Variants in MYH10 observed in about 807,000 individuals in gnomAD.
The protein encoded by MYH10 is myosin-10.
In MYH10, 55 loss-of-function variants were observed where a neutral mutation model predicts 257.8. The ratio of observed to expected loss-of-function variants is 0.21; its 90% CI spans 0.17 to 0.27. MYH10 has a LOEUF of 0.27. Ranked by LOEUF, MYH10 falls within the 10% of genes least tolerant of loss-of-function variation. The probability of loss-of-function intolerance (pLI) is 1.00; values close to 1 mark genes in which losing one functional copy is unlikely to be tolerated. For missense variants in MYH10, 1,631 were observed against 2,500.6 expected (o/e 0.65, Z 7.42); for synonymous variants, 854 against 921.7 (o/e 0.93, Z 1.33).
At chr17:8,584,310 A>C (rs895380671) in intron 4 of MYH10, among the ~76,000 whole-genome samples, 4 of 152,224 alleles carry the variant, frequency 2.6e-5, no homozygotes, top group African/African-American at 9.6e-5. Flanking sequence ...TACAGAATAA[A>C]TGACTGAAAA....
Position 8,513,778 on chromosome 17 carries a change from A to C in MYH10, c.2613+8T>G, listed in dbSNP as rs201673587. ...AAAGGGATCTGGAAAGAAGTGAGCC[A>C]AGCTCACCTTTGTGAAGACTCGCCA... On this transcript the variant is annotated splice_region_variant and intron_variant, in intron 22 of 42. Transcript: ENST00000360416. 2,701 of 1,613,958 alleles carry C rather than the reference A, an allele frequency of 1.7e-3. 5 individuals are homozygous for C. The highest frequency in any genetic ancestry group is 1.9e-3 in the Non-Finnish European group (2,220 of 1,179,906).
chr17:8,602,984 C>A (rs2152073352), intron 3 of MYH10, among the ~76,000 whole-genome samples: 1 of 152,336 alleles, frequency 6.6e-6, no homozygotes, highest in South Asian at 2.1e-4. Flanking sequence ...TGCCTCATAT[C>A]TTCCTCATTC....
At chr17:8,546,725 C>A in intron 11 of MYH10, 63 bp from the exon 12 acceptor site, 2 of 1,183,222 alleles carry the variant, frequency 1.7e-6, no homozygotes, top group Non-Finnish European at 2.5e-6. Context: ...ACAATATATT[C>A]AATAAACACT....
chr17:8,504,639 G>T lies in MYH10; in HGVS notation c.3599+55C>A. 1.3e-6 allele frequency: 2 copies of T among 1,507,608 alleles called. No homozygotes were observed. Among genetic ancestry groups the T allele is most frequent in the Non-Finnish European group, 1.8e-6 (2 of 1,093,756 alleles). The allele number at this position is 1,507,608 out of a possible 1,614,324, so 93.4% of individuals were successfully genotyped here. A position where few individuals can be genotyped will look rare whatever the true frequency, so the allele number is the denominator to read the frequency against. On this transcript the variant is annotated intron_variant, in intron 28 of 42. Coordinates refer to ENST00000360416, the MANE Select transcript of MYH10 (RefSeq NM_001256012.3). The surrounding 1 kb of genome is among the most constrained non-coding windows in gnomAD (Gnocchi z 5.6). ...CAAGCACACCAGGCATTTCTGCACGGGCTCGGTGGAGAGGTCGGCAGGCGC... is the reference window on the plus strand; with the variant it reads ...CAAGCACACCAGGCATTTCTGCACGTGCTCGGTGGAGAGGTCGGCAGGCGC...
chr17:8,508,676 T>A lies in MYH10; in HGVS notation c.3092A>T (p.Glu1031Val). ...LEDQNSKFIK[E>V]KKLMEDRIAE... Reference sequence around the variant, plus strand: ...AATGCGATCTTCCATGAGTTTCTTTTCCTGGACAGGAAAAATTGACTGCTT... The same window carrying A: ...AATGCGATCTTCCATGAGTTTCTTTACCTGGACAGGAAAAATTGACTGCTT... Residue 1031 changes from glutamate (E) to valine (V), a missense_variant and splice_region_variant, in exon 26 of 43, where the codon GAA (glutamate) becomes GTA (valine). Physicochemically the swap from Glu to Val is moderately radical, Grantham distance 121 (BLOSUM62 -2). Coordinates refer to ENST00000360416, the MANE Select transcript of MYH10 (RefSeq NM_001256012.3). 6.2e-7 allele frequency: 1 copy of A among 1,613,800 alleles called. No homozygotes were observed. The highest frequency in any genetic ancestry group is 8.5e-7 in the Non-Finnish European group (1 of 1,179,848).
chr17:8,545,645 A>C lies in MYH10; in HGVS notation c.1279-45T>G. The C allele has an allele frequency of 1.3e-6, 2 of 1,586,628 alleles. No individual in the cohort carries two copies. The highest frequency in any genetic ancestry group is 1.7e-6 in the Non-Finnish European group (2 of 1,167,416). ...ACCTTTTATTCTGGAAACAATCTCA[A>C]CAAAGCATAAATAGCTGTTTTACGG... On this transcript the variant is annotated intron_variant, in intron 12 of 42. Transcript: ENST00000360416. This position sits in a 1 kb window ranked among gnomAD's most constrained non-coding sequence, Gnocchi z 4.7.
intron 19 of MYH10, 38 bp from the exon 20 acceptor site, chr17:8,518,988 T>C (rs1338907669): frequency 6.0e-6 from 9 of 1,501,292 alleles, no homozygotes; most frequent in Admixed American, 1.9e-5. Context: ...TTGTAGAAAT[T>C]TGTGAACGAT....
chr17:8,478,289 A>T (rs774931322), intron 41 of MYH10, 49 bp downstream of exon 41: 2 of 1,492,672 alleles, frequency 1.3e-6, no homozygotes, highest in East Asian at 2.3e-5. Flanking sequence ...CTCATTCTCC[A>T]CCAGTTCCTT....
At chr17:8,510,261 C>T (rs1029185061) in intron 24 of MYH10, among the ~76,000 whole-genome samples, 2 of 151,814 alleles carry the variant, frequency 1.3e-5, no homozygotes, top group Admixed American at 1.3e-4. Context: ...CCAGGATGGT[C>T]TTGATCTCCT....
chr17:8,561,104 G>A (rs542669876), intron 7 of MYH10: 338 of 601,952 alleles, frequency 5.6e-4, no homozygotes, highest in Middle Eastern at 8.8e-4. Flanking sequence ...TATTCCCCTC[G>A]ACATCAAGCT....
At chr17:8,592,957 AT>A (rs1289345286) in intron 3 of MYH10, among the ~76,000 whole-genome samples, 8 of 119,946 alleles carry the variant, frequency 6.7e-5, no homozygotes, top group African/African-American at 1.4e-4. Context: ...ATATATATAT[AT>A]ATATATATAT....
Position 8,550,802 on chromosome 17 carries a change from C to T in MYH10, c.919+1244G>A, listed in dbSNP as rs1347502272. 5.3e-5 allele frequency among the ~76,000 whole-genome samples: 8 copies of T among 152,040 alleles called. No homozygotes were observed. The East Asian group carries it at 1.6e-3, about 29-fold the overall frequency. On this transcript the variant is annotated intron_variant, in intron 9 of 42. Coordinates refer to ENST00000360416, the MANE Select transcript of MYH10 (RefSeq NM_001256012.3). The stretch of plus-strand genomic sequence containing the variant: ...TTCATTTTGTTCTGTACTAAGAAAA[C>T]TTCTTCTGCCTTGGGATCCTGTTGA...
chr17:8,546,676 A>G lies in MYH10; in HGVS notation c.1160-14T>C. On this transcript the variant is annotated splice_polypyrimidine_tract_variant and intron_variant, in intron 11 of 42. Transcript: ENST00000360416. ...GCTTCTGCGCAACTGAAGTGTAAAAAGTCTCCTAAATCCTACATTTTTTAC... is the reference window on the plus strand; with the variant it reads ...GCTTCTGCGCAACTGAAGTGTAAAAGGTCTCCTAAATCCTACATTTTTTAC... 1 of 1,600,346 alleles carries G rather than the reference A, an allele frequency of 6.2e-7. No individual in the cohort carries two copies. The highest frequency in any genetic ancestry group is 8.6e-7 in the Non-Finnish European group (1 of 1,168,128).
intron 2 of MYH10, among the ~76,000 whole-genome samples, chr17:8,620,210 T>A (rs975983560): frequency 6.6e-6 from 1 of 152,194 alleles, no homozygotes; most frequent in African/African-American, 2.4e-5. Flanking sequence ...GTCTCCTATA[T>A]GAACAATATT....
At chr17:8,622,533 A>G (rs1039879786) in intron 2 of MYH10, among the ~76,000 whole-genome samples, 2 of 152,138 alleles carry the variant, frequency 1.3e-5, no homozygotes, top group Non-Finnish European at 2.9e-5. Context: ...TTGGGTATGC[A>G]CTTGATTTTT....
chr17:8,590,721 A>G (rs1324635433), intron 3 of MYH10, among the ~76,000 whole-genome samples: 2 of 152,000 alleles, frequency 1.3e-5, no homozygotes, highest in East Asian at 3.8e-4. Context: ...ATTTACTTAC[A>G]CAGAGATCAC....
chr17:8,480,022 G>T, intron 40 of MYH10, 88 bp downstream of exon 40: 1 of 1,314,462 alleles, frequency 7.6e-7, no homozygotes, highest in Non-Finnish European at 1.1e-6. Flanking sequence ...CCACGTGGTG[G>T]GGAGCCCCCC....
chr17:8,532,057 C>T (rs1004305096), intron 16 of MYH10, among the ~76,000 whole-genome samples: 1 of 152,214 alleles, frequency 6.6e-6, no homozygotes, highest in African/African-American at 2.4e-5. Context: ...TGCCTCCCAA[C>T]AGTGAGTGGC....
intron 4 of MYH10, among the ~76,000 whole-genome samples, chr17:8,578,477 C>A (rs2083584714): frequency 6.6e-6 from 1 of 152,078 alleles, no homozygotes; most frequent in Non-Finnish European, 1.5e-5. Flanking sequence ...CCCCTGACCT[C>A]AAGTGATCCA....
Sources: allele counts gnomAD v4.1 joint callset (sites outside exome capture counted in the v4.1 genomes callset), GRCh38; gene constraint gnomAD v4.1.1; non-coding constraint Gnocchi (gnomAD v3.1); transcripts MANE v1.5; gene names NCBI Gene and HGNC (gene_info 2026-07-23, HGNC 2026-07-21).